The following ARID1B variants were observed in gnomAD, a reference collection of about 807,000 sequenced individuals.
The protein encoded by ARID1B is AT-rich interactive domain-containing protein 1B.
A neutral mutation model predicts 212.3 loss-of-function variants in ARID1B; 30 were observed. The ratio of observed to expected loss-of-function variants is 0.14; its 90% CI spans 0.11 to 0.19. The LOEUF is 0.19. ARID1B is among the 10% of genes least tolerant of loss of function. The probability of loss-of-function intolerance (pLI) is 1.00; values close to 1 mark genes in which losing one functional copy is unlikely to be tolerated. For synonymous variants in ARID1B, 1,402 were observed against 1,301.7 expected, an observed-to-expected ratio of 1.08 and a Z score of -1.66; for missense variants, 2,891 against 3,204.0, an observed-to-expected ratio of 0.90 and a Z score of 2.36.
At chr6:157,066,564 A>G (rs989916886) in intron 4 of ARID1B, among the ~76,000 whole-genome samples, 13 of 152,186 alleles carry the variant, frequency 8.5e-5, no homozygotes, top group Admixed American at 8.5e-4. Flanking sequence ...TGATGATATT[A>G]TAGCCTTTAA....
Position 156,778,900 on chromosome 6 carries a change from G to A in ARID1B, c.1220G>A (p.Gly407Glu). The A allele has an allele frequency of 7.3e-6, 10 of 1,370,008 alleles. No homozygotes were observed. Among genetic ancestry groups the A allele is most frequent in the Non-Finnish European group, 8.5e-6 (9 of 1,063,572 alleles). The allele number at this position is 1,370,008 out of a possible 1,614,324, so 84.9% of individuals were successfully genotyped here. ...GGAGGAGGAGGCAGCGGAGGAGGAG[G>A]AGGAGGAGGAGGAGCAGGAGCAGGA... ...GGGGGGSGGG[G>E]GGGGAGAGGA... The change falls in exon 1 of 20, where the codon GGA becomes GAA. Residue 407 changes from glycine to glutamate, a missense_variant. This residue lies in a region of ARID1B where 1,643 missense variants were observed against 1,544.0 expected (regional missense o/e 1.06). Coordinates refer to ENST00000636930, the MANE Select transcript of ARID1B (RefSeq NM_001374828.1).
At chr6:156,907,701 A>C (rs1313118857) in intron 3 of ARID1B, among the ~76,000 whole-genome samples, 1 of 151,526 alleles carries the variant, frequency 6.6e-6, no homozygotes, top group East Asian at 1.9e-4. Flanking sequence ...GTTTGAGACC[A>C]GCCTGGTCAA....
intron 11 of ARID1B, among the ~76,000 whole-genome samples, chr6:157,180,368 T>TAAA (rs1031751728): frequency 7.6e-6 from 1 of 131,504 alleles, no homozygotes. Context: ...TTAGTTTATC[T>TAAA]AAAAAAAAAA....
rs751665775 is a variant in ARID1B, at chr6:157,190,321, G to C, written c.4231+111G>C. On this transcript the variant is annotated intron_variant, in intron 15 of 19. Transcript: ENST00000636930. The surrounding 1 kb of genome is among the most constrained non-coding windows in gnomAD (Gnocchi z 4.6). Reference sequence around the variant, plus strand: ...AACACCTCTGAGCCCATGCTGCATCGGTGTGGGTCCCAGGTCCCCATCCTA... The same window carrying C: ...AACACCTCTGAGCCCATGCTGCATCCGTGTGGGTCCCAGGTCCCCATCCTA... 5 of 1,304,242 alleles carry C rather than the reference G, an allele frequency of 3.8e-6. No individual in the cohort carries two copies. Among genetic ancestry groups the C allele is most frequent in the East Asian group, 2.5e-5 (1 of 40,416 alleles). 80.8% of individuals were successfully genotyped at this position (1,304,242 alleles called of 1,614,324 possible).
chr6:156,924,260 A>T (rs1791044458), intron 3 of ARID1B, among the ~76,000 whole-genome samples: 1 of 152,180 alleles, frequency 6.6e-6, no homozygotes, highest in African/African-American at 2.4e-5. Context: ...CTATGCACAA[A>T]TTTCTTTTTC....
At chr6:157,045,650 G>A (rs1782185439) in intron 4 of ARID1B, among the ~76,000 whole-genome samples, 1 of 152,152 alleles carries the variant, frequency 6.6e-6, no homozygotes, top group Non-Finnish European at 1.5e-5. Context: ...GATAACCAAT[G>A]TCATTGAAAC....
At chr6:157,152,149 T>C (rs1271203443) in intron 8 of ARID1B, 1 of 152,252 alleles carries the variant, frequency 6.6e-6, no homozygotes, top group Non-Finnish European at 1.5e-5. Context: ...CATCTGCAGC[T>C]AATCCATAGG....
intron 1 of ARID1B, among the ~76,000 whole-genome samples, chr6:156,799,674 C>T (rs1456998681): frequency 5.9e-5 from 9 of 152,168 alleles, no homozygotes; most frequent in Non-Finnish European, 1.3e-4. Flanking sequence ...GATGGGGTTT[C>T]ACCATGTTGG....
chr6:157,031,591 T>C (rs894559744), intron 4 of ARID1B, among the ~76,000 whole-genome samples: 4 of 152,152 alleles, frequency 2.6e-5, no homozygotes, highest in Non-Finnish European at 5.9e-5. Flanking sequence ...GGAGGCAAAA[T>C]CTATATCATT....
intron 1 of ARID1B, among the ~76,000 whole-genome samples, chr6:156,816,624 A>C (rs908075048): frequency 3.9e-5 from 6 of 152,186 alleles, no homozygotes; most frequent in Admixed American, 3.3e-4. Flanking sequence ...TGCTGGACTC[A>C]CTGGTATTTC....
intron 8 of ARID1B, among the ~76,000 whole-genome samples, chr6:157,156,250 A>G (rs1012336746): frequency 6.6e-6 from 1 of 152,222 alleles, no homozygotes; most frequent in African/African-American, 2.4e-5. Flanking sequence ...ATGATTTGAA[A>G]AGTCATGTTA....
intron 2 of ARID1B, among the ~76,000 whole-genome samples, chr6:156,849,556 G>A (rs1226437912): frequency 6.6e-6 from 1 of 152,192 alleles, no homozygotes; most frequent in Non-Finnish European, 1.5e-5. Context: ...GTCTAAAAGA[G>A]TCAAAATTTA....
intron 2 of ARID1B, among the ~76,000 whole-genome samples, chr6:156,834,166 CTT>C (rs1783336741): frequency 6.6e-6 from 1 of 152,168 alleles, no homozygotes; most frequent in South Asian, 2.1e-4. Context: ...TGGTTTAAGA[CTT>C]AAAAATTCCA....
At chr6:156,804,757 TG>T (rs894821967) in intron 1 of ARID1B, among the ~76,000 whole-genome samples, 1 of 149,480 alleles carries the variant, frequency 6.7e-6, no homozygotes, top group African/African-American at 2.5e-5. Context: ...AAGATTTGAG[TG>T]GGGACAAGCC....
At chr6:156,821,323 A>C (rs1372203489) in intron 1 of ARID1B, among the ~76,000 whole-genome samples, 3 of 152,166 alleles carry the variant, frequency 2.0e-5, no homozygotes, top group Non-Finnish European at 4.4e-5. Flanking sequence ...GTTCTAGAAA[A>C]AGGAAGCAAG....
At chr6:156,902,016 T>G in intron 3 of ARID1B, 1 of 158,654 alleles carries the variant, frequency 6.3e-6, no homozygotes, top group Non-Finnish European at 1.4e-5. Context: ...TAAGTAGATA[T>G]TCACTTCAGT....
chr6:157,098,863 A>G (rs1310241078), intron 5 of ARID1B, among the ~76,000 whole-genome samples: 1 of 152,236 alleles, frequency 6.6e-6, no homozygotes, highest in Non-Finnish European at 1.5e-5. Context: ...AGCACATTAT[A>G]TTCCCACACC....
At position 156,777,772 on chromosome 6, in the gene ARID1B, C is replaced by A; in HGVS notation, c.92C>A (p.Pro31Gln). Residue 31 changes from proline to glutamine, a missense_variant, in exon 1 of 20, where the codon CCG (proline) becomes CAG (glutamine). Transcript: ENST00000636930. Reference sequence around the variant, plus strand: ...GGCGAACGGCGGGCGCCCCCCGGGCCGCGGCCGGCGCCCGGAGCCCGGGAC... The same window carrying A: ...GGCGAACGGCGGGCGCCCCCCGGGCAGCGGCCGGCGCCCGGAGCCCGGGAC... ...GSGERRAPPG[P>Q]RPAPGARDLE... 1.2e-6 allele frequency: 1 copy of A among 814,548 alleles called. No individual in the cohort carries two copies. Among genetic ancestry groups the A allele is most frequent in the Non-Finnish European group, 1.5e-6 (1 of 678,308 alleles). The allele number at this position is 814,548 out of a possible 1,614,324, so 50.5% of individuals were successfully genotyped here. A position where few individuals can be genotyped will look rare whatever the true frequency, so the allele number is the denominator to read the frequency against.
At chr6:156,879,804 G>A (rs139358520) in intron 2 of ARID1B, among the ~76,000 whole-genome samples, 3 of 152,250 alleles carry the variant, frequency 2.0e-5, no homozygotes, top group East Asian at 3.9e-4. Context: ...GTGCGCATAT[G>A]TGTGTGTGTA....
Sources: gnomAD v4.1 joint callset for allele counts (sites outside exome capture counted in the v4.1 genomes callset) on GRCh38, gnomAD v4.1.1 for gene constraint, gnomAD v4.1.1 regional missense constraint, Gnocchi (gnomAD v3.1) non-coding constraint, MANE v1.5 for transcripts, NCBI Gene and HGNC (gene_info 2026-07-23, HGNC 2026-07-21) for gene names.